MBOAT7: variants seen among roughly 807,000 people sequenced by gnomAD.
MBOAT7 encodes membrane bound acylglycerophosphatidylinositol O-acyltransferase MBOAT7, also known as membrane-bound acylglycerophosphatidylinositol O-acyltransferase MBOAT7.
In MBOAT7, 40 loss-of-function variants were observed where a neutral mutation model predicts 47.4. The ratio of observed to expected loss-of-function variants is 0.84; its 90% CI spans 0.66 to 1.10. The LOEUF is 1.10. Among genes scored for constraint, MBOAT7 ranks in the 50% least tolerant of loss-of-function variants. The pLI is 0.00. For synonymous variants in MBOAT7, 361 were observed against 292.0 expected, an observed-to-expected ratio of 1.24 and a Z score of -2.41; for missense variants, 680 against 655.6, an observed-to-expected ratio of 1.04 and a Z score of -0.41.
rs766388499 is a variant in MBOAT7, at chr19:54,174,323, C to T, written c.1140G>A (p.Glu380=). The T allele has an allele frequency of 6.2e-7, 1 of 1,613,290 alleles. No homozygotes were observed. Among genetic ancestry groups the T allele is most frequent in the Non-Finnish European group, 8.5e-7 (1 of 1,179,602 alleles). ...GGCTCAGCCGCCCCCGCAGGGCTGA[C>T]TCCAGCCGGCCCTCGGCAGCCAGGC... ...PLCLAAEGRL[E]SALRGRLSPG... is the part of the protein sequence containing the mutation. Residue 380 remains glutamate (E), a synonymous_variant, in exon 8 of 8, where the codon GAG becomes GAA. Transcript: ENST00000245615.
At chr19:54,186,131 A>C (rs1410897814) in intron 4 of MBOAT7, among the ~76,000 whole-genome samples, 2 of 152,140 alleles carry the variant, frequency 1.3e-5, no homozygotes, top group Non-Finnish European at 2.9e-5. Flanking sequence ...CTCCTGCCTC[A>C]GCCTCCCGAG....
In MBOAT7 at chr19:54,181,599, G is replaced by GCTA. The variant is rs1364072786; in HGVS notation, c.494-469_494-467dup. 6.0e-5 allele frequency among the ~76,000 whole-genome samples: 7 copies of GCTA among 117,304 alleles called. No individual in the cohort carries two copies. The East Asian group carries it at 2.1e-3, about 35-fold the overall frequency. 77.0% of individuals were successfully genotyped at this position (117,304 alleles called of 152,430 possible). A position where few individuals can be genotyped will look rare whatever the true frequency, so the allele number is the denominator to read the frequency against. Reference sequence around the variant, plus strand: ...CCAGGCTGCAGTGAGCAGTGACTGAGCTACTGCATTCCAGCCAGGGAGGGA... The same window carrying GCTA: ...CCAGGCTGCAGTGAGCAGTGACTGAGCTACTACTGCATTCCAGCCAGGGAGGGA... On this transcript the variant is annotated intron_variant, in intron 5 of 7. Coordinates refer to ENST00000245615, the MANE Select transcript of MBOAT7 (RefSeq NM_024298.5).
Position 54,183,531 on chromosome 19 carries a change from T to G in MBOAT7, c.483A>C (p.Gly161=). The G allele has an allele frequency of 6.2e-7, 1 of 1,607,884 alleles. No homozygotes were observed. The highest frequency in any genetic ancestry group is 8.5e-7 in the Non-Finnish European group (1 of 1,177,340). ...ETLSYSYCYV[G]IMTGPFFRYR... The stretch of plus-strand genomic sequence containing the variant: ...GGCAGCCCCACTCACCTGTCATGAT[T>G]CCCACGTAGCAGTAGCTGTAGCTGA... Residue 161 remains glycine (G), a synonymous_variant, in exon 5 of 8, where the codon GGA becomes GGC. Coordinates refer to ENST00000245615, the MANE Select transcript of MBOAT7 (RefSeq NM_024298.5).
intron 3 of MBOAT7, among the ~76,000 whole-genome samples, chr19:54,187,562 C>G (rs771529965): frequency 3.9e-5 from 6 of 152,164 alleles, no homozygotes; most frequent in Non-Finnish European, 5.9e-5. Context: ...TCCACTTTTT[C>G]TTTATTTCCG....
intron 7 of MBOAT7, chr19:54,178,335 C>A: frequency 1.9e-6 from 2 of 1,061,070 alleles, no homozygotes; most frequent in Non-Finnish European, 2.3e-6. Flanking sequence ...TCAGGCCTCA[C>A]ATTAAATACA....
chr19:54,176,549 G>T (rs761066401), intron 7 of MBOAT7, among the ~76,000 whole-genome samples: 11 of 151,942 alleles, frequency 7.2e-5, no homozygotes, highest in South Asian at 2.1e-4. Flanking sequence ...AAACAAAAAC[G>T]ATGGATCCTG....
Position 54,188,343 on chromosome 19 carries a change from G to A in MBOAT7, c.80C>T (p.Pro27Leu). Residue 27 changes from proline (P) to leucine (L), a missense_variant, in exon 3 of 8, where the codon CCT (proline) becomes CTT (leucine). By Grantham distance (98) the Pro-to-Leu change is moderately conservative. Coordinates refer to ENST00000245615, the MANE Select transcript of MBOAT7 (RefSeq NM_024298.5). The part of the protein sequence containing the change: ...PIGFLFKKAG[P>L]GLKRWGAAAV... ...GGCTGCTCCCCATCTCTTCAGCCCAGGACCTGCAGGGGGAAGGGACAGCAT... is the reference window on the plus strand; with the variant it reads ...GGCTGCTCCCCATCTCTTCAGCCCAAGACCTGCAGGGGGAAGGGACAGCAT... 1 of 1,613,632 alleles carries A rather than the reference G, an allele frequency of 6.2e-7. No homozygotes were observed. The highest frequency in any genetic ancestry group is 8.5e-7 in the Non-Finnish European group (1 of 1,179,802).
chr19:54,178,680 C>T, intron 7 of MBOAT7, 85 bp downstream of exon 7: 1 of 1,535,758 alleles, frequency 6.5e-7, no homozygotes, highest in Non-Finnish European at 8.8e-7. Flanking sequence ...GGCAGGGGCC[C>T]AGCCAGGGAC....
intron 5 of MBOAT7, 128 bp from the exon 6 acceptor site, chr19:54,181,261 G>T: frequency 8.6e-7 from 1 of 1,167,668 alleles, no homozygotes. Context: ...ACTGGGCGCC[G>T]GGGAGACCCC....
intron 7 of MBOAT7, among the ~76,000 whole-genome samples, chr19:54,174,684 T>A (rs184526378): frequency 1.5e-3 from 167 of 114,096 alleles, no homozygotes; most frequent in Non-Finnish European, 2.4e-3. Context: ...GATCCAGGAG[T>A]CCAGACCCCA....
At position 54,173,948 on chromosome 19, in the gene MBOAT7, G is replaced by A; in HGVS notation, c.*96C>T. On this transcript the variant is annotated 3_prime_UTR_variant, in exon 8 of 8. Transcript: ENST00000245615. ...CTGGGGAAGAGGAAATTCTCTCCAG[G>A]ACCCTCTCCAAGGTAAGGACTCTTT... 2 of 1,391,850 alleles carry A rather than the reference G, an allele frequency of 1.4e-6. No individual in the cohort carries two copies. Among genetic ancestry groups the A allele is most frequent in the South Asian group, 1.5e-5 (1 of 67,704 alleles). The allele number at this position is 1,391,850 out of a possible 1,614,324, so 86.2% of individuals were successfully genotyped here. A position where few individuals can be genotyped will look rare whatever the true frequency, so the allele number is the denominator to read the frequency against.
Position 54,180,746 on chromosome 19 carries a change from T to C in MBOAT7, c.854+27A>G, listed in dbSNP as rs1275439912. The C allele has an allele frequency of 2.7e-6, 4 of 1,467,366 alleles. No individual in the cohort carries two copies. In the South Asian group the frequency reaches 5.5e-5, roughly 20 times the overall value. 90.9% of individuals were successfully genotyped at this position (1,467,366 alleles called of 1,614,324 possible). ...CTTGGAGGTGGGGGCTGCTGGGTCT[T>C]GGGAAGCCTCCCTCGCGCCGCCTGA... is the stretch of plus-strand genomic sequence containing the variant. On this transcript the variant is annotated intron_variant, in intron 6 of 7. Coordinates refer to ENST00000245615, the MANE Select transcript of MBOAT7 (RefSeq NM_024298.5). The surrounding 1 kb of genome is among the most constrained non-coding windows in gnomAD (Gnocchi z 5.2).
At chr19:54,187,468 T>C (rs1213785871) in intron 3 of MBOAT7, among the ~76,000 whole-genome samples, 181 bp from the exon 4 acceptor site, 2 of 151,994 alleles carry the variant, frequency 1.3e-5, no homozygotes, top group African/African-American at 4.8e-5. Flanking sequence ...ATTGAAACAG[T>C]GGGAGAAGAG....
At chr19:54,178,596 C>G in intron 7 of MBOAT7, 169 bp downstream of exon 7, 2 of 1,429,156 alleles carry the variant, frequency 1.4e-6, no homozygotes, top group South Asian at 1.5e-5. Flanking sequence ...GATTTTACAC[C>G]GGCATGCTGC....
chr19:54,183,585 C>G lies in MBOAT7; in HGVS notation c.429G>C (p.Leu143=), dbSNP rs2076347003. Residue 143 remains leucine (L), a synonymous_variant, in exon 5 of 8, where the codon CTG becomes CTC. Transcript: ENST00000245615. ...GFSKGPTLGL[L]PDVPSLMETL... is the part of the protein sequence containing the mutation. The stretch of plus-strand genomic sequence containing the variant: ...TCTCCATCAGGGAGGGCACGTCGGG[C>G]AGCAGCCCCAGGGTGGGCCCCTTGC... 1 of 1,608,452 alleles carries G rather than the reference C, an allele frequency of 6.2e-7. No homozygotes were observed. Among genetic ancestry groups the G allele is most frequent in the Admixed American group, 1.7e-5 (1 of 59,058 alleles).
chr19:54,187,008 G>T (rs1439992785), intron 4 of MBOAT7, 153 bp downstream of exon 4: 35 of 925,866 alleles, frequency 3.8e-5, no homozygotes, highest in Non-Finnish European at 6.3e-6. Flanking sequence ...TGTGAATGGG[G>T]AATGCTGTGC....
At chr19:54,185,986 C>T (rs1047562717) in intron 4 of MBOAT7, among the ~76,000 whole-genome samples, 36 of 136,112 alleles carry the variant, frequency 2.6e-4, no homozygotes, top group Non-Finnish European at 5.3e-4. Context: ...GTGAGCCACC[C>T]GCAGCTGGCC....
chr19:54,175,021 G>T (rs1450007187), intron 7 of MBOAT7, among the ~76,000 whole-genome samples: 3 of 147,000 alleles, frequency 2.0e-5, no homozygotes, highest in Non-Finnish European at 3.0e-5. Context: ...TGTCGCCCAG[G>T]CTAGAGTGCA....
chr19:54,188,066 AAAGAC>A (rs2076499712), intron 3 of MBOAT7, 146 bp downstream of exon 3: 1 of 548,828 alleles, frequency 1.8e-6, no homozygotes, highest in Non-Finnish European at 2.8e-6. Flanking sequence ...AGAAAGAAAG[AAAGAC>A]AAACAAACAA....
Sources: gnomAD v4.1 joint callset for allele counts (sites outside exome capture counted in the v4.1 genomes callset) on GRCh38, gnomAD v4.1.1 for gene constraint, Gnocchi (gnomAD v3.1) non-coding constraint, MANE v1.5 for transcripts, NCBI Gene and HGNC (gene_info 2026-07-23, HGNC 2026-07-21) for gene names.